Variants in FNIP1 observed in about 807,000 individuals in gnomAD.
FNIP1 encodes folliculin interacting protein 1.
Under a neutral mutation model 124.5 loss-of-function variants are expected in FNIP1, and 40 were observed. That is an observed-to-expected ratio of 0.32 (90% CI 0.25 to 0.42). FNIP1 has a LOEUF of 0.42. FNIP1 is among the 10% of genes least tolerant of loss of function. The pLI is 1.00. For synonymous variants in FNIP1, 472 were observed against 470.6 expected, an observed-to-expected ratio of 1.00 and a Z score of -0.04; for missense variants, 1,176 against 1,403.7, an observed-to-expected ratio of 0.84 and a Z score of 2.59.
intron 10 of FNIP1, among the ~76,000 whole-genome samples, chr5:131,701,673 G>C (rs1768903524): frequency 6.6e-6 from 1 of 152,124 alleles, no homozygotes; most frequent in Non-Finnish European, 1.5e-5. Context: ...ATGAGTTATT[G>C]AGATACATCC....
chr5:131,660,878 A>C (rs559566737), intron 15 of FNIP1, among the ~76,000 whole-genome samples: 4 of 152,284 alleles, frequency 2.6e-5, no homozygotes, highest in African/African-American at 9.6e-5. Context: ...CGCTGGCACT[A>C]TCTCTACCAG....
At chr5:131,678,459 G>C (rs577044805) in intron 12 of FNIP1, among the ~76,000 whole-genome samples, 1 of 152,242 alleles carries the variant, frequency 6.6e-6, no homozygotes, top group East Asian at 1.9e-4. Context: ...CCAGGCTACA[G>C]TGCAGTGGCG....
chr5:131,700,726 C>T (rs1172801690), intron 10 of FNIP1, among the ~76,000 whole-genome samples: 2 of 151,288 alleles, frequency 1.3e-5, no homozygotes, highest in Admixed American at 6.6e-5. Context: ...AAACAAAATC[C>T]ATAGCTTTTA....
At chr5:131,777,482 A>G (rs1479275478) in intron 1 of FNIP1, among the ~76,000 whole-genome samples, 6 of 152,180 alleles carry the variant, frequency 3.9e-5, no homozygotes, top group African/African-American at 1.4e-4. Flanking sequence ...GTAATGTGAG[A>G]AGAAAATAGG....
chr5:131,748,857 T>TA (rs1308411600), intron 1 of FNIP1, among the ~76,000 whole-genome samples: 1 of 152,212 alleles, frequency 6.6e-6, no homozygotes, highest in African/African-American at 2.4e-5. Context: ...AAGGCATTAT[T>TA]AGCATAAGAG....
intron 15 of FNIP1, 137 bp downstream of exon 15, chr5:131,670,326 A>G (rs1291624227): frequency 1.6e-5 from 10 of 644,258 alleles, no homozygotes. Flanking sequence ...AGATACGGGC[A>G]CTGAATATAA....
rs984801364 is a variant in FNIP1, at chr5:131,733,665, C to T, written c.220-2627G>A. ...TGCGTATGTTAAACCAGCCTTGCAT[C>T]CCAGGGATGAAGCCCACTTGATCAT... On this transcript the variant is annotated intron_variant, in intron 2 of 17. Coordinates refer to ENST00000510461, the MANE Select transcript of FNIP1 (RefSeq NM_133372.3). Among the ~76,000 whole-genome samples, 7 of 152,144 alleles carry T rather than the reference C, an allele frequency of 4.6e-5. 1 individual carries two copies. The highest frequency in any genetic ancestry group is 2.1e-4 in the South Asian group (1 of 4,818).
chr5:131,767,043 T>G (rs886323781), intron 1 of FNIP1, among the ~76,000 whole-genome samples: 1 of 152,016 alleles, frequency 6.6e-6, no homozygotes, highest in Non-Finnish European at 1.5e-5. Flanking sequence ...TATTCCATAA[T>G]CCAGTCAGGC....
At chr5:131,755,420 TAAAAAAAAAAAAAACGAAGAAGAA>T (rs1236167488) in intron 1 of FNIP1, among the ~76,000 whole-genome samples, 5 of 118,952 alleles carry the variant, frequency 4.2e-5, no homozygotes, top group Non-Finnish European at 9.1e-5. Flanking sequence ...GACTCAATCT[TAAAAAAAAAAAAAACGAAGAAGAA>T]GAAAAAGAAA....
chr5:131,731,104 G>A lies in FNIP1; in HGVS notation c.220-66C>T. On this transcript the variant is annotated intron_variant, in intron 2 of 17. Transcript: ENST00000510461. ...TTAACCATATACAAATTTCATCAAA[G>A]TATAAAAACCTTTGGAAAAACCAAG... 2.7e-6 allele frequency: 4 copies of A among 1,464,920 alleles called. 1 individual carries two copies. The South Asian group carries it at 4.1e-5, about 15-fold the overall frequency. 90.7% of individuals were successfully genotyped at this position (1,464,920 alleles called of 1,614,324 possible). A position where few individuals can be genotyped will look rare whatever the true frequency, so the allele number is the denominator to read the frequency against.
At chr5:131,740,241 G>A (rs1398184632) in intron 2 of FNIP1, among the ~76,000 whole-genome samples, 1 of 152,154 alleles carries the variant, frequency 6.6e-6, no homozygotes, top group Non-Finnish European at 1.5e-5. Context: ...ACTTTTATGT[G>A]TTCAAACTGG....
chr5:131,709,544 G>A (rs1252750756), intron 7 of FNIP1, among the ~76,000 whole-genome samples: 7 of 152,070 alleles, frequency 4.6e-5, no homozygotes, highest in Non-Finnish European at 7.4e-5. Context: ...AGCATATTCA[G>A]TGACATATTT....
At chr5:131,689,144 A>C (rs1417668866) in intron 11 of FNIP1, among the ~76,000 whole-genome samples, 1 of 93,020 alleles carries the variant, frequency 1.1e-5, no homozygotes, top group Non-Finnish European at 2.9e-5. Flanking sequence ...TTCTTGTTAG[A>C]AACTATGCAA....
intron 1 of FNIP1, among the ~76,000 whole-genome samples, chr5:131,746,713 C>T (rs1055699192): frequency 5.3e-5 from 8 of 152,142 alleles, no homozygotes; most frequent in Non-Finnish European, 1.0e-4. Flanking sequence ...CATGTCTTTG[C>T]TATTGTGAAC....
intron 11 of FNIP1, among the ~76,000 whole-genome samples, chr5:131,684,403 T>TATCAA (rs1768198868): frequency 6.6e-6 from 1 of 152,224 alleles, no homozygotes; most frequent in Non-Finnish European, 1.5e-5. Context: ...ATCAATTGTA[T>TATCAA]ATGTGAAAGT....
At chr5:131,714,367 A>G (rs528484135) in intron 6 of FNIP1, among the ~76,000 whole-genome samples, 1 of 152,214 alleles carries the variant, frequency 6.6e-6, no homozygotes, top group East Asian at 1.9e-4. Flanking sequence ...TCCTTTACAT[A>G]GTCATTTCCC....
chr5:131,703,124 C>T (rs1768957953), intron 10 of FNIP1, among the ~76,000 whole-genome samples: 1 of 152,216 alleles, frequency 6.6e-6, no homozygotes, highest in South Asian at 2.1e-4. Flanking sequence ...ATGCTGGCAA[C>T]TTCATCCTTT....
In FNIP1 at chr5:131,697,842, G is replaced by A. The variant is rs544688444; in HGVS notation, c.1202+1075C>T. ...AAATTAGCCAAGCATGGTGGCACGC[G>A]TCTGTAATCCCAGCTACTGAGGAGG... On this transcript the variant is annotated intron_variant, in intron 11 of 17. Coordinates refer to ENST00000510461, the MANE Select transcript of FNIP1 (RefSeq NM_133372.3). Among the ~76,000 whole-genome samples, 4 of 151,376 alleles carry A rather than the reference G, an allele frequency of 2.6e-5. No individual in the cohort carries two copies. The South Asian group carries it at 6.3e-4, about 24-fold the overall frequency.
chr5:131,657,758 A>AAAC (rs1767248419), intron 15 of FNIP1, among the ~76,000 whole-genome samples: 11 of 148,506 alleles, frequency 7.4e-5, no homozygotes, highest in African/African-American at 2.3e-4. Flanking sequence ...AAAAAAAAAA[A>AAAC]CGGTGGGTGA....
Sources: gnomAD v4.1 joint callset for allele counts (sites outside exome capture counted in the v4.1 genomes callset) on GRCh38, gnomAD v4.1.1 for gene constraint, MANE v1.5 for transcripts, NCBI Gene and HGNC (gene_info 2026-07-23, HGNC 2026-07-21) for gene names.